KEL: variants seen among roughly 807,000 people sequenced by gnomAD.
KEL encodes the protein kell blood group glycoprotein.
A neutral mutation model predicts 99.5 loss-of-function variants in KEL; 96 were observed. The ratio of observed to expected loss-of-function variants is 0.97; its 90% CI spans 0.82 to 1.14. The LOEUF (loss-of-function observed/expected upper bound fraction) is 1.14. KEL is among the 50% of genes most tolerant of loss of function. The pLI is 0.00. For missense variants in KEL, 926 were observed against 924.2 expected (o/e 1.00, Z -0.03); for synonymous variants, 355 against 354.8 (o/e 1.00, Z -0.01).
chr7:142,945,662 CTT>C (rs1257810524), intron 11 of KEL, among the ~76,000 whole-genome samples: 8 of 151,440 alleles, frequency 5.3e-5, no homozygotes, highest in South Asian at 4.2e-4. Flanking sequence ...GAGTTTCACT[CTT>C]GTCACCCAGG....
In KEL at chr7:142,944,668, T is replaced by C. The variant is rs1796470124; in HGVS notation, c.1388A>G (p.Glu463Gly). Reference sequence around the variant, plus strand: ...CTTGTCCTGGGCCATGTTCTGGGTCTCCTCATTCATCCAGGGAAGGTTTCT... The same window carrying C: ...CTTGTCCTGGGCCATGTTCTGGGTCCCCTCATTCATCCAGGGAAGGTTTCT... The part of the protein sequence containing the change: ...RLRNLPWMNE[E>G]TQNMAQDKVA... The change falls in exon 12 of 19, where the codon GAG (glutamate) becomes GGG (glycine). Residue 463 changes from glutamate (E) to glycine (G), a missense_variant. Coordinates refer to ENST00000355265, the MANE Select transcript of KEL (RefSeq NM_000420.3). The C allele has an allele frequency of 6.2e-7, 1 of 1,613,956 alleles. No individual in the cohort carries two copies. Among genetic ancestry groups the C allele is most frequent in the African/African-American group, 1.3e-5 (1 of 74,918 alleles).
At chr7:142,947,156 C>T (rs1796554791) in intron 10 of KEL, among the ~76,000 whole-genome samples, 1 of 152,198 alleles carries the variant, frequency 6.6e-6, no homozygotes, top group South Asian at 2.1e-4. Flanking sequence ...GAGACACACA[C>T]TCAAGGAACC....
chr7:142,942,309 G>T, intron 18 of KEL, 125 bp downstream of exon 18: 1 of 698,692 alleles, frequency 1.4e-6, no homozygotes, highest in Admixed American at 2.1e-5. Flanking sequence ...TAACAGTGAG[G>T]ACATCTGCAG....
chr7:142,943,063 G>A lies in KEL; in HGVS notation c.1772-19C>T. 4 of 1,613,514 alleles carry A rather than the reference G, an allele frequency of 2.5e-6. No individual in the cohort carries two copies. The highest frequency in any genetic ancestry group is 3.4e-6 in the Non-Finnish European group (4 of 1,179,920). On this transcript the variant is annotated intron_variant, in intron 16 of 18. Transcript: ENST00000355265. ...GGCAGTACTGTTGAAAATGGGACAAGAGAACATACAGCAAGAGAACATAGG... is the reference window on the plus strand; with the variant it reads ...GGCAGTACTGTTGAAAATGGGACAAAAGAACATACAGCAAGAGAACATAGG...
chr7:142,958,924 C>T (rs757389763), intron 4 of KEL, among the ~76,000 whole-genome samples: 13 of 152,162 alleles, frequency 8.5e-5, no homozygotes, highest in East Asian at 1.9e-4. Flanking sequence ...ACTGTCAATC[C>T]GGAAATGTTT....
At chr7:142,943,116 G>A in intron 16 of KEL, 72 bp from the exon 17 acceptor site, 1 of 1,579,818 alleles carries the variant, frequency 6.3e-7, no homozygotes, top group Admixed American at 1.7e-5. Context: ...GAGGATGTGG[G>A]TGGTACCACA....
intron 11 of KEL, chr7:142,945,034 C>T (rs1796486881): frequency 2.0e-6 from 1 of 490,280 alleles, no homozygotes; most frequent in African/African-American, 1.9e-5. Context: ...AGTGTCCTCA[C>T]TCCTGGGGGC....
At position 142,941,304 on chromosome 7, in the gene KEL, C is replaced by T. The variant is rs765595801; in HGVS notation, c.2147G>A (p.Arg716His). The change falls in exon 19 of 19, where the codon CGC becomes CAC. Residue 716 changes from arginine to histidine, a missense_variant. Coordinates refer to ENST00000355265, the MANE Select transcript of KEL (RefSeq NM_000420.3). ...GTTCAAGAGAGCACCACGTGCACAG[C>T]GGAAATACCTGGCAAAGGCTGGGGT... is the stretch of plus-strand genomic sequence containing the variant. ...SSTPAFARYFRCARGALLNPS... is the reference protein window; with the variant it reads ...SSTPAFARYFHCARGALLNPS... 112 of 1,613,900 alleles carry T rather than the reference C, an allele frequency of 6.9e-5. No individual in the cohort carries two copies. The highest frequency in any genetic ancestry group is 9.0e-5 in the Non-Finnish European group (106 of 1,180,026).
chr7:142,955,306 T>C (rs1260168023), intron 6 of KEL, among the ~76,000 whole-genome samples: 4 of 152,208 alleles, frequency 2.6e-5, no homozygotes, highest in Non-Finnish European at 4.4e-5. Context: ...AACATACTTT[T>C]AGTCAATTTT....
chr7:142,941,524 G>A (rs987079476), intron 18 of KEL, 111 bp from the exon 19 acceptor site: 2 of 972,976 alleles, frequency 2.1e-6, no homozygotes, highest in Non-Finnish European at 3.1e-6. Flanking sequence ...GGGATCAAGT[G>A]CCCCAAGGGC....
rs959042753 is a variant in KEL, at chr7:142,941,191, T to C, written c.*61A>G. On this transcript the variant is annotated 3_prime_UTR_variant, in exon 19 of 19. Coordinates refer to ENST00000355265, the MANE Select transcript of KEL (RefSeq NM_000420.3). ...GAAAGGAAATCTTGCTCTGATTCCA[T>C]GGATGTGACCAGGGAGGTGTTGGTC... is the stretch of plus-strand genomic sequence containing the variant. 6 of 1,564,504 alleles carry C rather than the reference T, an allele frequency of 3.8e-6. No homozygotes were observed. The Admixed American group carries it at 5.0e-5, about 13-fold the overall frequency.
intron 4 of KEL, among the ~76,000 whole-genome samples, chr7:142,958,711 A>T (rs1200090855): frequency 1.3e-5 from 2 of 152,252 alleles, no homozygotes; most frequent in Non-Finnish European, 2.9e-5. Context: ...GCATCTGTAA[A>T]GCATCTCTAT....
chr7:142,957,002 G>A (rs1279077253), intron 6 of KEL, among the ~76,000 whole-genome samples: 1 of 152,138 alleles, frequency 6.6e-6, no homozygotes, highest in Non-Finnish European at 1.5e-5. Context: ...CTAGCTGCCT[G>A]GCCCTGTGAT....
At chr7:142,959,633 G>T (rs538568289) in intron 4 of KEL, among the ~76,000 whole-genome samples, 5 of 152,208 alleles carry the variant, frequency 3.3e-5, no homozygotes, top group African/African-American at 1.2e-4. Flanking sequence ...AACAGGGGAA[G>T]ACTCTTCTAG....
chr7:142,946,180 T>C, intron 11 of KEL, 27 bp downstream of exon 11: 2 of 1,498,054 alleles, frequency 1.3e-6, no homozygotes, highest in Non-Finnish European at 1.9e-6. Context: ...GGTGGAGGGA[T>C]GTGGGCTGGG....
chr7:142,947,116 G>A (rs1444938485), intron 10 of KEL, among the ~76,000 whole-genome samples: 2 of 152,158 alleles, frequency 1.3e-5, no homozygotes, highest in Admixed American at 6.5e-5. Context: ...ACTTGACCAA[G>A]GCATAAACCC....
chr7:142,944,540 G>C (rs1796461313), intron 12 of KEL, 103 bp downstream of exon 12: 1 of 1,188,490 alleles, frequency 8.4e-7, no homozygotes, highest in Admixed American at 1.8e-5. Flanking sequence ...CTTAGCATGT[G>C]CCTGGGGGGG....
chr7:142,952,090 C>T (rs756536153), intron 10 of KEL, among the ~76,000 whole-genome samples: 1 of 152,024 alleles, frequency 6.6e-6, no homozygotes, highest in Admixed American at 6.6e-5. Context: ...TTGTGAAGCA[C>T]GTTTGAACAT....
At chr7:142,946,702 A>G (rs180747905) in intron 10 of KEL, 60 of 301,850 alleles carry the variant, frequency 2.0e-4, no homozygotes, top group African/African-American at 1.2e-3. Flanking sequence ...CCCAGCAATG[A>G]CTTCCATCCT....
Sources: gnomAD v4.1 joint callset for allele counts (sites outside exome capture counted in the v4.1 genomes callset) on GRCh38, gnomAD v4.1.1 for gene constraint, MANE v1.5 for transcripts, NCBI Gene and HGNC (gene_info 2026-07-23, HGNC 2026-07-21) for gene names.